SPAG16: variants seen among roughly 807,000 people sequenced by gnomAD.
SPAG16 encodes the protein sperm associated antigen 16.
A neutral mutation model predicts 80.4 loss-of-function variants in SPAG16; 86 were observed. The ratio of observed to expected loss-of-function variants is 1.07; its 90% CI spans 0.90 to 1.28. The LOEUF (loss-of-function observed/expected upper bound fraction) is 1.28, where lower values mean the gene tolerates loss of function less well. Among genes scored for constraint, SPAG16 ranks in the 50% most tolerant of loss-of-function variants. The pLI is 0.00. For synonymous variants in SPAG16, 294 were observed against 265.9 expected, an observed-to-expected ratio of 1.11 and a Z score of -1.03; for missense variants, 870 against 765.3, an observed-to-expected ratio of 1.14 and a Z score of -1.61.
intron 15 of SPAG16, among the ~76,000 whole-genome samples, chr2:214,188,598 C>G (rs1304839885): frequency 6.6e-6 from 1 of 152,106 alleles, no homozygotes; most frequent in Admixed American, 6.6e-5. Context: ...TTCTTCATAT[C>G]CATAAAAATG....
rs141106216 is a variant in SPAG16, at chr2:213,385,081, A to G, written c.942+9962A>G. Among the ~76,000 whole-genome samples the G allele has an allele frequency of 1.3e-4, 20 of 152,282 alleles. No homozygotes were observed. In the East Asian group the frequency reaches 2.5e-3, roughly 19 times the overall value. On this transcript the variant is annotated intron_variant, in intron 9 of 15. Transcript: ENST00000331683. ...TAGAGAACCACAACTGAGCTTCTCA[A>G]TGATGTTGCTGCTCCTCTCACCTTA... is the stretch of plus-strand genomic sequence containing the variant.
At chr2:214,178,743 A>G (rs1427297480) in intron 15 of SPAG16, among the ~76,000 whole-genome samples, 1 of 151,330 alleles carries the variant, frequency 6.6e-6, no homozygotes, top group Non-Finnish European at 1.5e-5. Flanking sequence ...TCTAATTTCT[A>G]TTACCCAGTA....
At chr2:213,946,755 G>A (rs906318597) in intron 12 of SPAG16, among the ~76,000 whole-genome samples, 8 of 152,032 alleles carry the variant, frequency 5.3e-5, no homozygotes, top group Non-Finnish European at 8.8e-5. Flanking sequence ...TATCACATGT[G>A]TAGATTAGAG....
At chr2:213,401,224 G>T (rs1000482637) in intron 9 of SPAG16, among the ~76,000 whole-genome samples, 1 of 152,194 alleles carries the variant, frequency 6.6e-6, no homozygotes, top group Non-Finnish European at 1.5e-5. Context: ...ATTTAGGTTT[G>T]CTCTGTCTGC....
intron 9 of SPAG16, among the ~76,000 whole-genome samples, chr2:213,431,344 A>T (rs1030903743): frequency 6.6e-6 from 1 of 152,106 alleles, no homozygotes. Context: ...CTTAAAAGAT[A>T]TAGATTGGCA....
intron 7 of SPAG16, among the ~76,000 whole-genome samples, chr2:213,358,671 A>G (rs2065808483): frequency 6.6e-6 from 1 of 152,030 alleles, no homozygotes; most frequent in Admixed American, 6.6e-5. Context: ...CCTTTTTTCA[A>G]GGTTTTTAGC....
chr2:213,816,358 C>T (rs1180927394), intron 10 of SPAG16, among the ~76,000 whole-genome samples: 1 of 152,068 alleles, frequency 6.6e-6, no homozygotes, highest in East Asian at 1.9e-4. Flanking sequence ...CACTAGTTCA[C>T]AGCTTATAGC....
intron 10 of SPAG16, among the ~76,000 whole-genome samples, chr2:213,574,484 G>A (rs539907930): frequency 6.6e-6 from 1 of 151,960 alleles, no homozygotes; most frequent in East Asian, 1.9e-4. Context: ...GGGCAGGGAG[G>A]AAAATCCCAT....
At chr2:214,120,019 T>C (rs2054137059) in intron 14 of SPAG16, among the ~76,000 whole-genome samples, 1 of 151,960 alleles carries the variant, frequency 6.6e-6, no homozygotes, top group Admixed American at 6.6e-5. Flanking sequence ...TTTGCTTCTT[T>C]TTTGTTTTTC....
chr2:213,467,961 G>A (rs1177892325), intron 9 of SPAG16, among the ~76,000 whole-genome samples: 1 of 152,048 alleles, frequency 6.6e-6, no homozygotes, highest in Admixed American at 6.5e-5. Flanking sequence ...TTTTTCTTGT[G>A]TCTCCTCTCT....
intron 12 of SPAG16, among the ~76,000 whole-genome samples, chr2:213,985,696 C>T (rs2045965336): frequency 6.6e-6 from 1 of 152,030 alleles, no homozygotes; most frequent in Admixed American, 6.6e-5. Context: ...ATAATCAGCA[C>T]TCTTAGGGTG....
chr2:213,926,443 C>T (rs190718736), intron 11 of SPAG16, among the ~76,000 whole-genome samples: 24 of 152,136 alleles, frequency 1.6e-4, no homozygotes, highest in African/African-American at 5.8e-4. Flanking sequence ...CATTCTTATG[C>T]CTTTGCAGCC....
At chr2:214,060,059 C>A (rs2050175729) in intron 13 of SPAG16, among the ~76,000 whole-genome samples, 1 of 152,132 alleles carries the variant, frequency 6.6e-6, no homozygotes, top group Non-Finnish European at 1.5e-5. Flanking sequence ...TGATTTCCTC[C>A]AAGCCTAAGA....
Position 214,317,223 on chromosome 2 carries a change from CAG to C in SPAG16, c.1721-92913_1721-92912del, listed in dbSNP as rs147605697. Among the ~76,000 whole-genome samples the C allele has an allele frequency of 4.5e-3, 680 of 152,320 alleles. 4 individuals carry two copies. The highest frequency in any genetic ancestry group is 0.016 in the African/African-American group (648 of 41,560). On this transcript the variant is annotated intron_variant, in intron 15 of 15. Transcript: ENST00000331683. ...GTTCAATTTTCTGACCAAGGTCACACAGAGACTTTGTGTCAACATAAGGCCAA... is the reference window on the plus strand; with the variant it reads ...GTTCAATTTTCTGACCAAGGTCACACAGACTTTGTGTCAACATAAGGCCAA...
intron 15 of SPAG16, among the ~76,000 whole-genome samples, chr2:214,269,769 G>T (rs560867860): frequency 6.6e-6 from 1 of 152,212 alleles, no homozygotes; most frequent in South Asian, 2.1e-4. Flanking sequence ...GAAAATAATT[G>T]CAAAGCAGAG....
chr2:214,377,012 A>G (rs1700171245), intron 15 of SPAG16, among the ~76,000 whole-genome samples: 1 of 152,172 alleles, frequency 6.6e-6, no homozygotes, highest in Admixed American at 6.5e-5. Context: ...AAACAAATGT[A>G]AAGATACAGT....
intron 10 of SPAG16, among the ~76,000 whole-genome samples, chr2:213,733,074 T>A (rs71502877): frequency 6.6e-6 from 1 of 152,224 alleles, no homozygotes; most frequent in Admixed American, 6.5e-5. Context: ...CCATTCTGAC[T>A]GGTGTGAGAT....
intron 10 of SPAG16, among the ~76,000 whole-genome samples, chr2:213,682,769 G>A (rs1026187240): frequency 6.6e-6 from 1 of 152,140 alleles, no homozygotes; most frequent in Non-Finnish European, 1.5e-5. Flanking sequence ...GGTCGGAGGT[G>A]TCACTTGTAG....
rs111626476 is a variant in SPAG16, at chr2:213,549,493, A to G, written c.1070+59403A>G. Among the ~76,000 whole-genome samples the G allele has an allele frequency of 1.4e-3, 210 of 152,252 alleles. 3 individuals are homozygous for G. In the South Asian group the frequency reaches 0.018, roughly 13 times the overall value. ...TTCTTACTTCTCACTCTGCAGTCCTATTGATTCTGACTACTAAAAATATCT... is the reference window on the plus strand; with the variant it reads ...TTCTTACTTCTCACTCTGCAGTCCTGTTGATTCTGACTACTAAAAATATCT... On this transcript the variant is annotated intron_variant, in intron 10 of 15. Coordinates refer to ENST00000331683, the MANE Select transcript of SPAG16 (RefSeq NM_024532.5).
Sources: allele counts gnomAD v4.1 joint callset (sites outside exome capture counted in the v4.1 genomes callset), GRCh38; gene constraint gnomAD v4.1.1; transcripts MANE v1.5; gene names NCBI Gene and HGNC (gene_info 2026-07-23, HGNC 2026-07-21).